The following ERICH1 variants were observed in gnomAD, a reference collection of about 807,000 sequenced individuals.
The protein encoded by ERICH1 is glutamate-rich protein 1.
ERICH1 carries 56 observed loss-of-function variants against 39.6 expected under a neutral mutation model. That is an observed-to-expected ratio of 1.41 (90% confidence interval 1.14 to 1.77). The LOEUF is 1.77. Ranked by LOEUF, ERICH1 falls within the 40% of genes most tolerant of loss-of-function variation. The probability of loss-of-function intolerance (pLI) is 0.00; values close to 1 mark genes in which losing one functional copy is unlikely to be tolerated. For missense variants in ERICH1, 826 were observed against 575.4 expected, an observed-to-expected ratio of 1.44 and a Z score of -4.45; for synonymous variants, 313 against 223.6, an observed-to-expected ratio of 1.40 and a Z score of -3.57.
At chr8:684,557 C>T (rs1031498906) in intron 3 of ERICH1, among the ~76,000 whole-genome samples, 1 of 152,078 alleles carries the variant, frequency 6.6e-6, no homozygotes, top group Non-Finnish European at 1.5e-5. Context: ...TTCAGTGGTA[C>T]CACAGAGAAG....
intron 4 of ERICH1, among the ~76,000 whole-genome samples, chr8:669,706 A>G (rs1802856118): frequency 6.6e-6 from 1 of 152,268 alleles, no homozygotes; most frequent in Admixed American, 6.5e-5. Context: ...CAAGCTCTCT[A>G]TGTCCACATC....
chr8:635,961 A>C (rs558663926), intron 3 of ERICH1, among the ~76,000 whole-genome samples: 102 of 152,330 alleles, frequency 6.7e-4, no homozygotes, highest in African/African-American at 2.4e-3. Context: ...GAGCCGTTCA[A>C]CCAGGGCGAG....
chr8:719,329 C>T (rs1167193604), intron 1 of ERICH1, among the ~76,000 whole-genome samples: 1 of 152,246 alleles, frequency 6.6e-6, no homozygotes, highest in Admixed American at 6.5e-5. Context: ...TGTACTCCAC[C>T]ATCATGACAT....
At chr8:702,698 G>T (rs1048810176) in intron 2 of ERICH1, among the ~76,000 whole-genome samples, 4 of 152,252 alleles carry the variant, frequency 2.6e-5, no homozygotes, top group Non-Finnish European at 5.9e-5. Flanking sequence ...AGCTCGGCAG[G>T]AGGGTTTGCA....
chr8:673,577 T>C lies in ERICH1; in HGVS notation c.775A>G (p.Thr259Ala). ...EGADASEEDP[T>A]PAGEEDVKDA... ...TTAACGTCTTCCTCCCCGGCCGGTG[T>C]CGGATCTTCCTCACTGGCGTCCGCA... The change falls in exon 4 of 6, where the codon ACA becomes GCA. Residue 259 changes from threonine to alanine, a missense_variant. Thr to Ala is a moderately conservative substitution (Grantham distance 58). Transcript: ENST00000262109. The C allele has an allele frequency of 6.4e-7, 1 of 1,552,592 alleles. No homozygotes were observed. Among genetic ancestry groups the C allele is most frequent in the Non-Finnish European group, 8.8e-7 (1 of 1,132,384 alleles).
exon 4 of ERICH1, chr8:614,840 T>A (rs1703874): frequency 0.74 from 136,606 of 183,402 alleles, 51,624 homozygotes; most frequent in East Asian, 0.98. Flanking sequence ...TGAAAAAGCA[T>A]CCTTCGTGAC....
intron 4 of ERICH1, among the ~76,000 whole-genome samples, chr8:671,526 C>G (rs1234647037): frequency 2.2e-4 from 28 of 128,072 alleles, no homozygotes; most frequent in South Asian, 8.1e-4. Context: ...GCTCCAGGCT[C>G]CGACCTCTGA....
At chr8:677,772 G>A (rs546637860) in intron 3 of ERICH1, among the ~76,000 whole-genome samples, 2 of 152,228 alleles carry the variant, frequency 1.3e-5, no homozygotes, top group African/African-American at 2.4e-5. Context: ...GTAACACATC[G>A]AGTGTTTTCC....
At chr8:682,836 G>T (rs1049702648) in intron 3 of ERICH1, among the ~76,000 whole-genome samples, 18 of 152,180 alleles carry the variant, frequency 1.2e-4, no homozygotes, top group Admixed American at 2.6e-4. Context: ...CATTTTAAAG[G>T]GAATATGAAC....
At chr8:696,882 G>A (rs1349553403) in intron 2 of ERICH1, among the ~76,000 whole-genome samples, 7 of 81,472 alleles carry the variant, frequency 8.6e-5, no homozygotes, top group Admixed American at 2.7e-4. Context: ...CAGCCTGTGC[G>A]CGCTCCTCAC....
At chr8:702,825 G>A (rs1462989996) in intron 2 of ERICH1, among the ~76,000 whole-genome samples, 1 of 152,236 alleles carries the variant, frequency 6.6e-6, no homozygotes, top group Non-Finnish European at 1.5e-5. Flanking sequence ...GAAGCCAGAA[G>A]GCAGGAGCGA....
chr8:616,192 C>A, intron 3 of ERICH1: 1 of 213,188 alleles, frequency 4.7e-6, no homozygotes, highest in Non-Finnish European at 9.6e-6. Context: ...TAAAGAAATT[C>A]CGTAACCTGA....
At chr8:658,986 C>T (rs1047912298) in intron 3 of ERICH1, among the ~76,000 whole-genome samples, 3 of 152,116 alleles carry the variant, frequency 2.0e-5, no homozygotes, top group African/African-American at 2.4e-5. Flanking sequence ...AGGGTCCCCA[C>T]ATCTCCGGTG....
chr8:671,979 C>G (rs1470094792), intron 4 of ERICH1: 1 of 156,924 alleles, frequency 6.4e-6, no homozygotes, highest in Non-Finnish European at 1.4e-5. Flanking sequence ...TCTCTGGGCT[C>G]CACCAGGTCC....
At chr8:688,915 TA>T (rs768859844) in intron 3 of ERICH1, among the ~76,000 whole-genome samples, 4 of 152,222 alleles carry the variant, frequency 2.6e-5, no homozygotes, top group Non-Finnish European at 5.9e-5. Context: ...GAGTTTTACA[TA>T]ACTGCTAGTG....
At chr8:676,783 G>C in intron 3 of ERICH1, among the ~76,000 whole-genome samples, 1 of 152,338 alleles carries the variant, frequency 6.6e-6, no homozygotes, top group East Asian at 1.9e-4. Context: ...AAAGCTTGCC[G>C]CTGCACCACG....
intron 3 of ERICH1, 27 bp downstream of exon 3, chr8:692,451 T>TA: frequency 6.2e-7 from 1 of 1,613,956 alleles, no homozygotes. Context: ...CAAAGATGTC[T>TA]ACCTTTCCTC....
At chr8:617,662 T>G (rs1314111861) in intron 3 of ERICH1, among the ~76,000 whole-genome samples, 1 of 151,450 alleles carries the variant, frequency 6.6e-6, no homozygotes, top group Admixed American at 6.6e-5. Context: ...GAGTGCTGGG[T>G]GCTCGGTCTA....
downstream of ERICH1, among the ~76,000 whole-genome samples, chr8:662,940 G>A (rs772268704): frequency 9.2e-5 from 14 of 152,186 alleles, no homozygotes; most frequent in African/African-American, 2.4e-4. Context: ...GTGAAGCAGC[G>A]GCGCCTGCAG....
Sources: gnomAD v4.1 joint callset for allele counts (sites outside exome capture counted in the v4.1 genomes callset) on GRCh38, gnomAD v4.1.1 for gene constraint, MANE v1.5 for transcripts, NCBI Gene and HGNC (gene_info 2026-07-23, HGNC 2026-07-21) for gene names.